The following INTS9 variants were observed in gnomAD, a reference collection of about 807,000 sequenced individuals.
INTS9 encodes protein related to CPSF subunits of 74 kDa.
Under a neutral mutation model 79.7 loss-of-function variants are expected in INTS9, and 55 were observed. The ratio of observed to expected loss-of-function variants is 0.69; its 90% CI spans 0.56 to 0.86. The LOEUF (loss-of-function observed/expected upper bound fraction) is 0.86, where lower values mean the gene tolerates loss of function less well. INTS9 is among the 40% of genes least tolerant of loss of function. INTS9 has a pLI of 0.00. For missense variants in INTS9, 721 were observed against 831.5 expected, an observed-to-expected ratio of 0.87 and a Z score of 1.64; for synonymous variants, 319 against 325.2, an observed-to-expected ratio of 0.98 and a Z score of 0.20.
Position 28,859,573 on chromosome 8 carries a change from A to G in INTS9, c.10-10T>C, listed in dbSNP as rs763806705. On this transcript the variant is annotated splice_polypyrimidine_tract_variant and intron_variant, in intron 1 of 16. Coordinates refer to ENST00000521022, the MANE Select transcript of INTS9 (RefSeq NM_018250.4). The stretch of plus-strand genomic sequence containing the variant: ...GCCCTGACAGGCAATACTGAAAAAA[A>G]TTAAATCACTTTGATCAGTAATCAA... The G allele has an allele frequency of 1.2e-6, 2 of 1,613,830 alleles. No individual in the cohort carries two copies. The highest frequency in any genetic ancestry group is 2.7e-5 in the African/African-American group (2 of 75,042).
intron 6 of INTS9, among the ~76,000 whole-genome samples, chr8:28,824,611 T>C (rs1806042924): frequency 6.6e-6 from 1 of 152,218 alleles, no homozygotes; most frequent in South Asian, 2.1e-4. Flanking sequence ...GCCCTGAGTC[T>C]GGCAGGAGTA....
chr8:28,839,554 T>C (rs1807033470), intron 4 of INTS9, among the ~76,000 whole-genome samples: 1 of 152,140 alleles, frequency 6.6e-6, no homozygotes, highest in Non-Finnish European at 1.5e-5. Context: ...TACAAGGCTA[T>C]AGTAACCAAA....
chr8:28,888,495 A>C (rs922396220), intron 1 of INTS9, among the ~76,000 whole-genome samples: 1 of 152,216 alleles, frequency 6.6e-6, no homozygotes, highest in African/African-American at 2.4e-5. Flanking sequence ...GGTAGCAGCG[A>C]GCTGAGAACG....
At chr8:28,818,511 C>T (rs1371643101) in intron 6 of INTS9, among the ~76,000 whole-genome samples, 1 of 152,206 alleles carries the variant, frequency 6.6e-6, no homozygotes, top group Non-Finnish European at 1.5e-5. Flanking sequence ...CCCACTTGAT[C>T]ATGGTAGATA....
chr8:28,802,337 C>CA (rs1462811631), intron 8 of INTS9, among the ~76,000 whole-genome samples: 3 of 152,160 alleles, frequency 2.0e-5, no homozygotes, highest in African/African-American at 7.2e-5. Flanking sequence ...TACTATCAGG[C>CA]TTTTGGTTAA....
chr8:28,867,532 A>T (rs73239180), intron 1 of INTS9, among the ~76,000 whole-genome samples: 23,864 of 134,172 alleles, frequency 0.18, 2,276 homozygotes, highest in East Asian at 0.46. Flanking sequence ...AGCTGAGATT[A>T]AAAAAAAAAA....
At chr8:28,844,601 G>GT (rs1349203870) in intron 4 of INTS9, among the ~76,000 whole-genome samples, 1 of 152,174 alleles carries the variant, frequency 6.6e-6, no homozygotes, top group Non-Finnish European at 1.5e-5. Flanking sequence ...CGAGGCAGGT[G>GT]TATCACCTGA....
chr8:28,772,436 C>T (rs1269168526), intron 14 of INTS9, among the ~76,000 whole-genome samples: 1 of 152,108 alleles, frequency 6.6e-6, no homozygotes, highest in Non-Finnish European at 1.5e-5. Context: ...CTGCATGCAC[C>T]CGGGAGGCAG....
At chr8:28,873,114 G>T (rs1026300296) in intron 1 of INTS9, among the ~76,000 whole-genome samples, 6 of 152,014 alleles carry the variant, frequency 3.9e-5, no homozygotes, top group African/African-American at 4.8e-5. Flanking sequence ...AAAAATAGAA[G>T]CTTTCTTTTA....
chr8:28,837,173 A>T (rs1806852372), intron 5 of INTS9, among the ~76,000 whole-genome samples: 1 of 152,190 alleles, frequency 6.6e-6, no homozygotes, highest in African/African-American at 2.4e-5. Context: ...AGACAACTTA[A>T]CCATCTATTT....
chr8:28,888,721 T>C (rs1357884720), intron 1 of INTS9, among the ~76,000 whole-genome samples: 2 of 152,196 alleles, frequency 1.3e-5, no homozygotes, highest in African/African-American at 4.8e-5. Flanking sequence ...CTTCCCCTTA[T>C]ATAAACAGAT....
chr8:28,837,838 A>C (rs1383887474), intron 4 of INTS9, 62 bp from the exon 5 acceptor site: 4 of 1,487,988 alleles, frequency 2.7e-6, no homozygotes, highest in Non-Finnish European at 3.6e-6. Flanking sequence ...TGATGTGACT[A>C]AAAAACGACG....
At chr8:28,780,419 A>G in intron 12 of INTS9, 1 of 985,286 alleles carries the variant, frequency 1.0e-6, no homozygotes, top group African/African-American at 1.7e-5. Context: ...TTTTCCCCTG[A>G]GGGATTTGTC....
In INTS9 at chr8:28,771,017, C is replaced by G; in HGVS notation, c.1627G>C (p.Val543Leu). 6.2e-7 allele frequency: 1 copy of G among 1,613,572 alleles called. No individual in the cohort carries two copies. Among genetic ancestry groups the G allele is most frequent in the Non-Finnish European group, 8.5e-7 (1 of 1,179,840 alleles). The change falls in exon 15 of 17, where the codon GTG becomes CTG. Residue 543 changes from valine (V) to leucine (L), a missense_variant. Coordinates refer to ENST00000521022, the MANE Select transcript of INTS9 (RefSeq NM_018250.4). ...PGISLATVSA[V>L]LHTKDNKHLL... ...TGCTTGTTATCTTTGGTGTGCAGCA[C>G]GGCCGAGACAGTTGCCAAGGAGATG...
intron 14 of INTS9, among the ~76,000 whole-genome samples, chr8:28,771,354 C>T (rs937277605): frequency 1.4e-4 from 21 of 152,126 alleles, no homozygotes; most frequent in African/African-American, 5.1e-4. Flanking sequence ...TGAGGGAGCT[C>T]TCTCTTCCTG....
intron 8 of INTS9, among the ~76,000 whole-genome samples, chr8:28,802,930 T>G (rs924075181): frequency 7.3e-6 from 1 of 136,762 alleles, no homozygotes; most frequent in South Asian, 2.3e-4. Flanking sequence ...GGCAACATGG[T>G]AAAACCCCGT....
intron 11 of INTS9, among the ~76,000 whole-genome samples, chr8:28,786,544 C>T (rs1803601747): frequency 6.6e-6 from 1 of 152,134 alleles, no homozygotes; most frequent in Admixed American, 6.5e-5. Context: ...CCTCCCACTT[C>T]AGCCTCCCAA....
chr8:28,829,018 A>G (rs1806320005), intron 6 of INTS9, among the ~76,000 whole-genome samples: 1 of 152,204 alleles, frequency 6.6e-6, no homozygotes, highest in South Asian at 2.1e-4. Flanking sequence ...GTATGAAGCC[A>G]CATTTTAAGT....
In INTS9 at chr8:28,880,549, G is replaced by C. The variant is rs986927788; in HGVS notation, c.9+9325C>G. On this transcript the variant is annotated intron_variant, in intron 1 of 16. Coordinates refer to ENST00000521022, the MANE Select transcript of INTS9 (RefSeq NM_018250.4). Reference sequence around the variant, plus strand: ...GTGCCGGGATTGCAGATGGAGTCTCGTTCACTCAGTGCTCAATGGTGCCCA... The same window carrying C: ...GTGCCGGGATTGCAGATGGAGTCTCCTTCACTCAGTGCTCAATGGTGCCCA... Among the ~76,000 whole-genome samples, 62 of 151,772 alleles carry C rather than the reference G, an allele frequency of 4.1e-4. 1 individual carries two copies. Among genetic ancestry groups the C allele is most frequent in the Admixed American group, 1.1e-3 (17 of 15,264 alleles).
Sources: gnomAD v4.1 joint callset for allele counts (sites outside exome capture counted in the v4.1 genomes callset) on GRCh38, gnomAD v4.1.1 for gene constraint, MANE v1.5 for transcripts, NCBI Gene and HGNC (gene_info 2026-07-23, HGNC 2026-07-21) for gene names.